IFT81: variants seen among roughly 807,000 people sequenced by gnomAD.
IFT81 encodes the protein intraflagellar transport 81.
Under a neutral mutation model 102.6 loss-of-function variants are expected in IFT81, and 72 were observed. The ratio of observed to expected loss-of-function variants is 0.70; its 90% confidence interval spans 0.58 to 0.85. IFT81 has a LOEUF of 0.85. Ranked by LOEUF, IFT81 falls within the 40% of genes least tolerant of loss-of-function variation. The probability of loss-of-function intolerance (pLI) is 0.00; values close to 1 mark genes in which losing one functional copy is unlikely to be tolerated. For missense variants in IFT81, 723 were observed against 787.3 expected, an observed-to-expected ratio of 0.92 and a Z score of 0.98; for synonymous variants, 237 against 242.7, an observed-to-expected ratio of 0.98 and a Z score of 0.22.
intron 8 of IFT81, among the ~76,000 whole-genome samples, chr12:110,140,569 G>C (rs988792964): frequency 6.6e-6 from 1 of 152,122 alleles, no homozygotes; most frequent in African/African-American, 2.4e-5. Flanking sequence ...TTGATTCCAT[G>C]CATCTCTAAT....
In IFT81 at chr12:110,205,652, G is replaced by T. The variant is rs1011639702; in HGVS notation, c.1774G>T (p.Asp592Tyr). 1 of 1,592,524 alleles carries T rather than the reference G, an allele frequency of 6.3e-7. No individual in the cohort carries two copies. Among genetic ancestry groups the T allele is most frequent in the Non-Finnish European group, 8.5e-7 (1 of 1,172,792 alleles). Residue 592 changes from aspartate to tyrosine, a missense_variant, in exon 17 of 19, where the codon GAT (aspartate) becomes TAT (tyrosine). Physicochemically the swap from Asp to Tyr is radical, Grantham distance 160. Transcript: ENST00000242591. ...TDEMKAYISS[D>Y]QQEKRKAIRE... ...TGAGATGAAGGCATATATCTCTTCT[G>T]ATCAACAAGAAAAAAGAAAGGCAAT...
intron 9 of IFT81, among the ~76,000 whole-genome samples, chr12:110,145,972 A>G (rs1041016309): frequency 6.6e-6 from 1 of 151,202 alleles, no homozygotes; most frequent in Non-Finnish European, 1.5e-5. Flanking sequence ...CACCAAGCCC[A>G]GCTAATTTTT....
intron 14 of IFT81, among the ~76,000 whole-genome samples, chr12:110,201,142 C>T (rs576998175): frequency 6.6e-6 from 1 of 151,872 alleles, no homozygotes. Context: ...ATGACTCATG[C>T]CTGTAATCCC....
chr12:110,200,672 G>A (rs961560599), intron 14 of IFT81, among the ~76,000 whole-genome samples: 40 of 151,680 alleles, frequency 2.6e-4, no homozygotes, highest in African/African-American at 7.5e-4. Flanking sequence ...TTTCTTGGCC[G>A]GGCACGGTGG....
intron 11 of IFT81, 25 bp from the exon 12 acceptor site, chr12:110,180,397 A>G (rs1897273529): frequency 6.7e-6 from 10 of 1,502,504 alleles, no homozygotes; most frequent in East Asian, 2.3e-5. Flanking sequence ...TACTCATTAG[A>G]TTACATATTG....
intron 4 of IFT81, 71 bp from the exon 5 acceptor site, chr12:110,132,475 AG>A: frequency 2.6e-5 from 16 of 619,592 alleles, no homozygotes; most frequent in South Asian, 4.1e-5. Context: ...AAAAAAAAAA[AG>A]AAAGAAAGAA....
chr12:110,180,491 G>A lies in IFT81; in HGVS notation c.1258G>A (p.Glu420Lys). Residue 420 changes from glutamate to lysine, a missense_variant, in exon 12 of 19, where the codon GAA becomes AAA. Coordinates refer to ENST00000242591, the MANE Select transcript of IFT81 (RefSeq NM_014055.4). ...CAAAAAGAAGCATCAGATAATAGCT[G>A]AACTTAAAGCTGAATTCGGTCTTTT... Reference protein sequence around the residue: ...VFKKKHQIIAELKAEFGLLQR... With the variant: ...VFKKKHQIIAKLKAEFGLLQR... 6.2e-7 allele frequency: 1 copy of A among 1,611,390 alleles called. No homozygotes were observed. Among genetic ancestry groups the A allele is most frequent in the South Asian group, 1.1e-5 (1 of 90,856 alleles).
At position 110,188,928 on chromosome 12, in the gene IFT81, C is replaced by CA. The variant is rs1286295336; in HGVS notation, c.1339-1978dup. ...TGGGTGACAGAGCAAGACTCCGTCT[C>CA]AAAAAAAAAAAAAAGTCTTTCGTCA... On this transcript the variant is annotated intron_variant, in intron 12 of 18. Coordinates refer to ENST00000242591, the MANE Select transcript of IFT81 (RefSeq NM_014055.4). 8.9e-3 allele frequency among the ~76,000 whole-genome samples: 1,178 copies of CA among 132,598 alleles called. 2 individuals carry two copies. Among genetic ancestry groups the CA allele is most frequent in the Non-Finnish European group, 0.011 (661 of 61,022 alleles). The allele number at this position is 132,598 out of a possible 152,430, so 87.0% of individuals were successfully genotyped here.
At chr12:110,178,414 CA>C (rs75333089) in intron 11 of IFT81, among the ~76,000 whole-genome samples, 3,782 of 57,938 alleles carry the variant, frequency 0.065, 53 homozygotes, top group Middle Eastern at 0.2. Flanking sequence ...GACTCCATCT[CA>C]AAAAAAAAAA....
At chr12:110,194,227 G>T (rs1897912822) in intron 14 of IFT81, among the ~76,000 whole-genome samples, 1 of 152,106 alleles carries the variant, frequency 6.6e-6, no homozygotes, top group Non-Finnish European at 1.5e-5. Flanking sequence ...TGAGATTTGG[G>T]CAGGGACAGA....
intron 8 of IFT81, among the ~76,000 whole-genome samples, chr12:110,140,870 T>C (rs1216305966): frequency 6.6e-6 from 1 of 151,232 alleles, no homozygotes; most frequent in Non-Finnish European, 1.5e-5. Flanking sequence ...ATTACAGGCA[T>C]ATGCCACCAC....
chr12:110,127,567 ATTTC>A, intron 2 of IFT81, 43 bp downstream of exon 2: 3 of 1,530,960 alleles, frequency 2.0e-6, no homozygotes, highest in Non-Finnish European at 2.6e-6. Flanking sequence ...CAGAAAGCCA[ATTTC>A]TCCCTCTAAA....
In IFT81 at chr12:110,135,866, GAAAAAAA is replaced by G. The variant is rs199705020; in HGVS notation, c.696+442_696+448del. ...TAGGCAACAGAGTGAGACTTTGTCT[GAAAAAAA>G]AAAAAAAAAAAAGATAAATATTTTG... On this transcript the variant is annotated intron_variant, in intron 7 of 18. Transcript: ENST00000242591. Among the ~76,000 whole-genome samples, 19 of 107,602 alleles carry G rather than the reference GAAAAAAA, an allele frequency of 1.8e-4. No individual in the cohort carries two copies. In the East Asian group the frequency reaches 7.7e-3, roughly 43 times the overall value. 70.6% of individuals were successfully genotyped at this position (107,602 alleles called of 152,430 possible). A position where few individuals can be genotyped will look rare whatever the true frequency, so the allele number is the denominator to read the frequency against.
At position 110,190,979 on chromosome 12, in the gene IFT81, A is replaced by G. The variant is rs771180947; in HGVS notation, c.1398A>G (p.Glu466=). ...ATAGTTACACCCAAGAAGAGCTAGA[A>G]AGAGTATCTGCACTGAAGAGTGAAG... ...SGYSYTQEEL[E]RVSALKSEVD... is the part of the protein sequence containing the mutation. Residue 466 remains glutamate, a synonymous_variant, in exon 13 of 19, where the codon GAA becomes GAG. Coordinates refer to ENST00000242591, the MANE Select transcript of IFT81 (RefSeq NM_014055.4). 1 of 1,609,798 alleles carries G rather than the reference A, an allele frequency of 6.2e-7. No individual in the cohort carries two copies. Among genetic ancestry groups the G allele is most frequent in the Non-Finnish European group, 8.5e-7 (1 of 1,178,084 alleles).
Position 110,180,550 on chromosome 12 carries a change from T to C in IFT81, c.1317T>C (p.His439=). ...QRTEELLKQR[H]ENIQQQLQTM... is the part of the protein sequence containing the mutation. ...CTGAAGAACTTCTTAAGCAACGTCATGAAAATATTCAACAACAACTGGTAA... is the reference window on the plus strand; with the variant it reads ...CTGAAGAACTTCTTAAGCAACGTCACGAAAATATTCAACAACAACTGGTAA... Residue 439 remains histidine, a synonymous_variant, in exon 12 of 19, where the codon CAT becomes CAC. Transcript: ENST00000242591. 1 of 1,605,294 alleles carries C rather than the reference T, an allele frequency of 6.2e-7. No homozygotes were observed. Among genetic ancestry groups the C allele is most frequent in the South Asian group, 1.1e-5 (1 of 90,056 alleles).
chr12:110,126,623 G>A (rs1893859064), intron 1 of IFT81, among the ~76,000 whole-genome samples: 2 of 152,206 alleles, frequency 1.3e-5, no homozygotes, highest in Admixed American at 6.5e-5. Context: ...GTTGGAAAGG[G>A]ATAAGTTGTG....
intron 15 of IFT81, 60 bp downstream of exon 15, chr12:110,204,010 G>GTTTT: frequency 2.9e-6 from 3 of 1,049,398 alleles, no homozygotes; most frequent in Non-Finnish European, 2.9e-6. Context: ...TACACCTGTA[G>GTTTT]TCCCAGCTAC....
intron 10 of IFT81, among the ~76,000 whole-genome samples, chr12:110,152,554 G>T (rs977710901): frequency 6.6e-6 from 1 of 151,550 alleles, no homozygotes. Context: ...CCCCATTTTT[G>T]AATTGGGTTG....
Position 110,192,723 on chromosome 12 carries a change from A to G in IFT81, c.1557+17A>G. On this transcript the variant is annotated intron_variant, in intron 14 of 18. Coordinates refer to ENST00000242591, the MANE Select transcript of IFT81 (RefSeq NM_014055.4). ...AAATATCAAGTAAGTTTTTGATTTT[A>G]TCAAGTAATTTGATTTTATGATACT... 3 of 1,373,912 alleles carry G rather than the reference A, an allele frequency of 2.2e-6. No individual in the cohort carries two copies. The highest frequency in any genetic ancestry group is 3.1e-6 in the Non-Finnish European group (3 of 979,584). 85.1% of individuals were successfully genotyped at this position (1,373,912 alleles called of 1,614,324 possible).
Sources: gnomAD v4.1 joint callset for allele counts (sites outside exome capture counted in the v4.1 genomes callset) on GRCh38, gnomAD v4.1.1 for gene constraint, MANE v1.5 for transcripts, NCBI Gene and HGNC (gene_info 2026-07-23, HGNC 2026-07-21) for gene names.